Variants in RAMP1 observed in about 807,000 individuals in gnomAD.
RAMP1 encodes receptor activity-modifying protein 1.
In RAMP1, 7 loss-of-function variants were observed where a neutral mutation model predicts 8.2. The observed-to-expected ratio is 0.85, with a 90% CI of 0.49 to 1.60. RAMP1 has a LOEUF of 1.60. Ranked by LOEUF, RAMP1 falls within the 40% of genes most tolerant of loss-of-function variation. The probability of loss-of-function intolerance (pLI) is 0.00; values close to 1 mark genes in which losing one functional copy is unlikely to be tolerated. For synonymous variants in RAMP1, 92 were observed against 84.7 expected, an observed-to-expected ratio of 1.09 and a Z score of -0.47; for missense variants, 192 against 202.4, an observed-to-expected ratio of 0.95 and a Z score of 0.31.
chr2:237,910,272 A>T (rs2062696669), intron 2 of RAMP1, among the ~76,000 whole-genome samples: 1 of 151,948 alleles, frequency 6.6e-6, no homozygotes, highest in Non-Finnish European at 1.5e-5. Context: ...ACACAGAATA[A>T]CACAGTCACA....
At chr2:237,887,812 C>T (rs1056789369) in intron 2 of RAMP1, among the ~76,000 whole-genome samples, 2 of 152,122 alleles carry the variant, frequency 1.3e-5, no homozygotes, top group Non-Finnish European at 2.9e-5. Flanking sequence ...AATGGGCGCA[C>T]CTGTAGTCCT....
At chr2:237,859,881 C>G (rs1012931238) in intron 1 of RAMP1, 154 bp downstream of exon 1, 24 of 703,192 alleles carry the variant, frequency 3.4e-5, no homozygotes, top group African/African-American at 1.5e-4. Context: ...CGGGCCGCCC[C>G]GGTTCCAGGC....
At chr2:237,885,748 G>A (rs2062422380) in intron 2 of RAMP1, among the ~76,000 whole-genome samples, 2 of 152,336 alleles carry the variant, frequency 1.3e-5, no homozygotes, top group South Asian at 2.1e-4. Context: ...TGCACCAGGC[G>A]TGAAGCCAGT....
intron 2 of RAMP1, among the ~76,000 whole-genome samples, chr2:237,895,325 C>G (rs1314269321): frequency 6.6e-6 from 1 of 152,130 alleles, no homozygotes; most frequent in Non-Finnish European, 1.5e-5. Context: ...TGGTGGTGGC[C>G]CTCTGAGGGA....
At chr2:237,900,416 C>T (rs953722312) in intron 2 of RAMP1, among the ~76,000 whole-genome samples, 1 of 152,120 alleles carries the variant, frequency 6.6e-6, no homozygotes, top group Non-Finnish European at 1.5e-5. Context: ...CCACCTCGGC[C>T]TCCCAAAGTG....
intron 2 of RAMP1, among the ~76,000 whole-genome samples, chr2:237,879,344 G>C (rs1350246475): frequency 1.3e-5 from 2 of 151,920 alleles, no homozygotes; most frequent in East Asian, 3.9e-4. Flanking sequence ...AGAAATGGAA[G>C]CCACCACAGA....
intron 2 of RAMP1, among the ~76,000 whole-genome samples, chr2:237,906,474 G>A (rs1165161183): frequency 6.6e-6 from 1 of 152,102 alleles, no homozygotes; most frequent in Non-Finnish European, 1.5e-5. Flanking sequence ...AAAGCCCCCA[G>A]GGGTCTCCTC....
rs958240491 is a variant in RAMP1 at position 237,911,936 on chromosome 2, G to A, written c.*153G>A. The A allele has an allele frequency of 2.7e-5, 35 of 1,282,146 alleles. No homozygotes were observed. The highest frequency in any genetic ancestry group is 2.6e-4 in the African/African-American group (17 of 66,488). 79.4% of individuals were successfully genotyped at this position (1,282,146 alleles called of 1,614,324 possible). A position where few individuals can be genotyped will look rare whatever the true frequency, so the allele number is the denominator to read the frequency against. On this transcript the variant is annotated 3_prime_UTR_variant, in exon 3 of 3. Coordinates refer to ENST00000254661, the MANE Select transcript of RAMP1 (RefSeq NM_005855.4). Reference sequence around the variant, plus strand: ...GAGCTCACAGGAGTCCAGAGTAGCCGAGGCTCTGGTATTAACCTGGAAGCC... The same window carrying A: ...GAGCTCACAGGAGTCCAGAGTAGCCAAGGCTCTGGTATTAACCTGGAAGCC...
intron 2 of RAMP1, among the ~76,000 whole-genome samples, chr2:237,879,799 A>G (rs1255054255): frequency 4.0e-5 from 6 of 149,620 alleles, no homozygotes; most frequent in Non-Finnish European, 7.4e-5. Flanking sequence ...AGACCAGCCT[A>G]GCCAACATGG....
intron 2 of RAMP1, 90 bp from the exon 3 acceptor site, chr2:237,911,438 T>C: frequency 6.6e-7 from 1 of 1,521,108 alleles, no homozygotes; most frequent in Admixed American, 1.8e-5. Context: ...CAGGGCTGCA[T>C]GAGGGGCCAC....
At chr2:237,909,234 C>G (rs2062684036) in intron 2 of RAMP1, among the ~76,000 whole-genome samples, 1 of 152,182 alleles carries the variant, frequency 6.6e-6, no homozygotes, top group Non-Finnish European at 1.5e-5. Context: ...GAGACCCGTG[C>G]AGTCACACCC....
intron 1 of RAMP1, among the ~76,000 whole-genome samples, chr2:237,869,323 T>A (rs2151004440): frequency 6.6e-6 from 1 of 152,340 alleles, no homozygotes; most frequent in Admixed American, 6.5e-5. Context: ...TATTTTTAAG[T>A]GTACAGTTCT....
intron 2 of RAMP1, among the ~76,000 whole-genome samples, chr2:237,888,123 G>T (rs1049486088): frequency 6.6e-6 from 1 of 151,898 alleles, no homozygotes; most frequent in African/African-American, 2.4e-5. Flanking sequence ...GCACAATCTC[G>T]GCTCACTGCA....
intron 2 of RAMP1, among the ~76,000 whole-genome samples, chr2:237,907,358 T>A (rs1384741073): frequency 6.6e-6 from 1 of 152,202 alleles, no homozygotes; most frequent in Non-Finnish European, 1.5e-5. Flanking sequence ...TCTTTCATTA[T>A]TTTTTTAAAA....
At chr2:237,888,046 T>A (rs2062451664) in intron 2 of RAMP1, among the ~76,000 whole-genome samples, 1 of 152,112 alleles carries the variant, frequency 6.6e-6, no homozygotes, top group South Asian at 2.1e-4. Flanking sequence ...CCATGAACAT[T>A]CTGTGGTTCT....
intron 2 of RAMP1, among the ~76,000 whole-genome samples, chr2:237,888,929 G>A (rs574882395): frequency 2.0e-5 from 3 of 151,896 alleles, no homozygotes; most frequent in Admixed American, 6.6e-5. Context: ...CCGCCACCAC[G>A]CCCAGCTAAT....
intron 2 of RAMP1, among the ~76,000 whole-genome samples, chr2:237,909,826 A>T (rs539696907): frequency 1.3e-5 from 2 of 152,154 alleles, no homozygotes; most frequent in South Asian, 4.1e-4. Flanking sequence ...CTCCCCAGAG[A>T]GCCCTGGGGA....
rs147908207 is a variant in RAMP1 at position 237,872,816 on chromosome 2, T to C, written c.53-4408T>C. 7.3e-4 allele frequency among the ~76,000 whole-genome samples: 111 copies of C among 152,250 alleles called. 2 individuals are homozygous for C. The highest frequency in any genetic ancestry group is 2.2e-3 in the African/African-American group (90 of 41,550). ...CTGAGGTGGGACGATGCCCAGGAGT[T>C]CAAGACCAGCCTGGACAACGTGGGG... On this transcript the variant is annotated intron_variant, in intron 1 of 2. Coordinates refer to ENST00000254661, the MANE Select transcript of RAMP1 (RefSeq NM_005855.4).
At chr2:237,859,956 G>C in intron 1 of RAMP1, 2 of 442,212 alleles carry the variant, frequency 4.5e-6, no homozygotes, top group East Asian at 7.7e-5. Context: ...CGCCGGGGAA[G>C]GGACGGCTTT....
Sources: gnomAD v4.1 joint callset for allele counts (sites outside exome capture counted in the v4.1 genomes callset) on GRCh38, gnomAD v4.1.1 for gene constraint, MANE v1.5 for transcripts, NCBI Gene and HGNC (gene_info 2026-07-23, HGNC 2026-07-21) for gene names.